The following EEFSEC variants were observed in gnomAD, a reference collection of about 807,000 sequenced individuals.
EEFSEC encodes the protein selenocysteine-specific elongation factor.
In EEFSEC, 43 loss-of-function variants were observed where a neutral mutation model predicts 42.1. The observed-to-expected ratio is 1.02, with a 90% CI of 0.80 to 1.32. The LOEUF (loss-of-function observed/expected upper bound fraction) is 1.32, where lower values mean the gene tolerates loss of function less well. Among genes scored for constraint, EEFSEC ranks in the 40% most tolerant of loss-of-function variants. The probability of loss-of-function intolerance (pLI) is 0.00; values close to 1 mark genes in which losing one functional copy is unlikely to be tolerated. For missense variants in EEFSEC, 745 were observed against 803.6 expected (o/e 0.93, Z 0.88); for synonymous variants, 354 against 339.1 (o/e 1.04, Z -0.48).
intron 1 of EEFSEC, among the ~76,000 whole-genome samples, chr3:128,194,691 A>G (rs764607887): frequency 3.6e-4 from 55 of 152,194 alleles, no homozygotes; most frequent in Non-Finnish European, 4.7e-4. Flanking sequence ...TTAAAATGAT[A>G]TTTATGAAGA....
chr3:128,357,873 A>G (rs1215154035), intron 5 of EEFSEC, among the ~76,000 whole-genome samples: 2 of 143,996 alleles, frequency 1.4e-5, no homozygotes, highest in African/African-American at 5.5e-5. Context: ...GTGACCTTGG[A>G]TAGATGACAG....
At chr3:128,258,081 T>C (rs1229722683) in intron 2 of EEFSEC, among the ~76,000 whole-genome samples, 1 of 150,882 alleles carries the variant, frequency 6.6e-6, no homozygotes, top group Non-Finnish European at 1.5e-5. Context: ...ATAGCTTAGA[T>C]GGCACACAAA....
intron 4 of EEFSEC, among the ~76,000 whole-genome samples, chr3:128,334,415 G>A (rs1002976791): frequency 1.3e-5 from 2 of 152,228 alleles, no homozygotes; most frequent in Non-Finnish European, 2.9e-5. Context: ...GCTGAGCCCC[G>A]AGTCTGGCAG....
At chr3:128,380,993 T>C (rs2067769888) in intron 6 of EEFSEC, among the ~76,000 whole-genome samples, 1 of 152,346 alleles carries the variant, frequency 6.6e-6, no homozygotes, top group Admixed American at 6.5e-5. Context: ...ATGCTCAGCC[T>C]GGTTTCTTGG....
intron 2 of EEFSEC, among the ~76,000 whole-genome samples, chr3:128,249,086 A>AT (rs2066157283): frequency 6.6e-6 from 1 of 152,188 alleles, no homozygotes; most frequent in Non-Finnish European, 1.5e-5. Flanking sequence ...TGACTATTTC[A>AT]TTTTCTTATG....
At chr3:128,195,487 A>G (rs1482870874) in intron 1 of EEFSEC, among the ~76,000 whole-genome samples, 1 of 152,184 alleles carries the variant, frequency 6.6e-6, no homozygotes, top group East Asian at 1.9e-4. Flanking sequence ...ATCAGCAGAT[A>G]AAAGGACACT....
chr3:128,203,809 C>T (rs2065666359), intron 1 of EEFSEC, among the ~76,000 whole-genome samples: 1 of 152,180 alleles, frequency 6.6e-6, no homozygotes, highest in South Asian at 2.1e-4. Context: ...ATAATTGAGC[C>T]ACTGTTATAC....
the EEFSEC span, among the ~76,000 whole-genome samples, chr3:128,416,012 C>A: frequency 6.6e-6 from 1 of 152,228 alleles, no homozygotes; most frequent in Admixed American, 6.5e-5. Context: ...CGTTGGGGAC[C>A]AGGGTCTGGG....
intron 1 of EEFSEC, among the ~76,000 whole-genome samples, chr3:128,243,527 A>G (rs1228497455): frequency 6.6e-6 from 1 of 152,274 alleles, no homozygotes; most frequent in African/African-American, 2.4e-5. Context: ...CATTTGCTGC[A>G]TTAGTCCAGC....
At chr3:128,266,166 T>C (rs1481490107) in intron 4 of EEFSEC, among the ~76,000 whole-genome samples, 1 of 152,216 alleles carries the variant, frequency 6.6e-6, no homozygotes, top group Non-Finnish European at 1.5e-5. Flanking sequence ...TCTGCTTTAC[T>C]CAACATCCAC....
At chr3:128,177,626 C>T (rs2065364305) in intron 1 of EEFSEC, among the ~76,000 whole-genome samples, 1 of 152,166 alleles carries the variant, frequency 6.6e-6, no homozygotes, top group Admixed American at 6.5e-5. Context: ...AAACGCACCT[C>T]TGTTTAGAGA....
intron 4 of EEFSEC, among the ~76,000 whole-genome samples, chr3:128,324,194 G>C (rs894087299): frequency 6.6e-6 from 1 of 151,544 alleles, no homozygotes; most frequent in Non-Finnish European, 1.5e-5. Flanking sequence ...TACAGTGTCA[G>C]TTTTCCCAAG....
intron 6 of EEFSEC, among the ~76,000 whole-genome samples, chr3:128,358,881 G>C (rs1196291061): frequency 6.6e-6 from 1 of 152,178 alleles, no homozygotes; most frequent in Non-Finnish European, 1.5e-5. Flanking sequence ...GAGGGTGTGT[G>C]TTTGCTGCTG....
chr3:128,216,490 C>T (rs2065811771), intron 1 of EEFSEC, among the ~76,000 whole-genome samples: 1 of 151,714 alleles, frequency 6.6e-6, no homozygotes, highest in African/African-American at 2.4e-5. Context: ...GGTGGCTCTC[C>T]ATACCAGACA....
chr3:128,420,520 C>G, the EEFSEC span, among the ~76,000 whole-genome samples: 2 of 152,184 alleles, frequency 1.3e-5, no homozygotes, highest in Admixed American at 1.3e-4. Context: ...CAGGCCTCCA[C>G]GCCTGGGATC....
rs182515560 is a variant in EEFSEC at position 128,243,237 on chromosome 3, G to A, written c.317-3599G>A. 2.6e-4 allele frequency among the ~76,000 whole-genome samples: 40 copies of A among 152,316 alleles called. No homozygotes were observed. In the East Asian group the frequency reaches 4.6e-3, roughly 18 times the overall value. On this transcript the variant is annotated intron_variant, in intron 1 of 6. Transcript: ENST00000254730. ...GAGCCTGGCCTTTTGGAACAAAGACGGCTTTTGGATGCTGGATCAGGCTGC... is the reference window on the plus strand; with the variant it reads ...GAGCCTGGCCTTTTGGAACAAAGACAGCTTTTGGATGCTGGATCAGGCTGC...
chr3:128,276,603 C>T (rs1351886711), intron 4 of EEFSEC, among the ~76,000 whole-genome samples: 1 of 152,194 alleles, frequency 6.6e-6, no homozygotes, highest in East Asian at 1.9e-4. Flanking sequence ...CATATTCATT[C>T]AGCGCATAGT....
chr3:128,200,102 G>A (rs1375359011), intron 1 of EEFSEC, among the ~76,000 whole-genome samples: 2 of 151,914 alleles, frequency 1.3e-5, no homozygotes, highest in African/African-American at 4.8e-5. Context: ...TCAGGGCTAC[G>A]TTTATCTTAC....
intron 1 of EEFSEC, among the ~76,000 whole-genome samples, chr3:128,192,908 G>A (rs2065541294): frequency 6.6e-6 from 1 of 152,128 alleles, no homozygotes; most frequent in Admixed American, 6.5e-5. Context: ...TTCAGGGCAG[G>A]GGGGCATCTG....
Sources: allele counts gnomAD v4.1 joint callset (sites outside exome capture counted in the v4.1 genomes callset), GRCh38; gene constraint gnomAD v4.1.1; transcripts MANE v1.5; gene names NCBI Gene and HGNC (gene_info 2026-07-23, HGNC 2026-07-21).